The following NBPF12 variants were observed in gnomAD, a reference collection of about 807,000 sequenced individuals.
NBPF12 encodes NBPF family member NBPF12.
A neutral mutation model predicts 146.4 loss-of-function variants in NBPF12; 115 were observed. The ratio of observed to expected loss-of-function variants is 0.79; its 90% CI spans 0.68 to 0.92. The LOEUF (loss-of-function observed/expected upper bound fraction) is 0.92, where lower values mean the gene tolerates loss of function less well. NBPF12 is among the 40% of genes least tolerant of loss of function. NBPF12 has a pLI of 0.00. For missense variants in NBPF12, 1,205 were observed against 1,326.8 expected, an observed-to-expected ratio of 0.91 and a Z score of 1.43; for synonymous variants, 385 against 508.9, an observed-to-expected ratio of 0.76 and a Z score of 3.28.
At chr1:146,994,334 T>G (rs1328056699) in exon 34 of NBPF12, 6 of 1,611,604 alleles carry the variant, frequency 3.7e-6, no homozygotes, top group Non-Finnish European at 4.2e-6. Flanking sequence ...TTTTCCAGGC[T>G]CAACAGCGTG....
chr1:146,981,277 TAAAAAAAAAAAAA>T (rs878971787), intron 19 of NBPF12, among the ~76,000 whole-genome samples: 33 of 101,188 alleles, frequency 3.3e-4, no homozygotes, highest in East Asian at 1.1e-3. Flanking sequence ...CTTAAAGTAT[TAAAAAAAAAAAAA>T]AAAAATATAT....
At chr1:146,951,244 A>G in intron 1 of NBPF12, 104 bp from the exon 5 acceptor site, 1 of 673,814 alleles carries the variant, frequency 1.5e-6, no homozygotes, top group Non-Finnish European at 2.7e-6. Flanking sequence ...AGGGCACTCA[A>G]GTGAACAGGG....
Position 146,962,208 on chromosome 1 carries a change from C to T in NBPF12, c.223C>T (p.Arg75Ter), listed in dbSNP as rs1369510588. ...CATAAAATTTATGCTGAGGAATGAG[C>T]GACAGTTCAAGGAGGAGAAGCTTGC... is the stretch of plus-strand genomic sequence containing the variant. Residue 75 changes from arginine to a stop codon, truncating the protein, a stop_gained, in exon 5 of 34, where the codon CGA (arginine) becomes TGA (stop). Coordinates refer to ENST00000617844, the Ensembl canonical transcript of NBPF12. LOFTEE classifies it high-confidence loss of function. The T allele has an allele frequency of 3.9e-5, 63 of 1,608,278 alleles. No homozygotes were observed. Among genetic ancestry groups the T allele is most frequent in the Admixed American group, 1.2e-4 (7 of 59,986 alleles).
intron 23 of NBPF12, among the ~76,000 whole-genome samples, chr1:146,986,074 A>C (rs1405920698): frequency 0.046 from 6,924 of 150,042 alleles, 797 homozygotes; most frequent in African/African-American, 0.16. Flanking sequence ...AGGGCACTAA[A>C]TCAGAGTGTC....
Position 146,972,749 on chromosome 1 carries a change from A to G in NBPF12, c.1592-2A>G, listed in dbSNP as rs1656738235. 3.8e-6 allele frequency: 5 copies of G among 1,318,024 alleles called. No individual in the cohort carries two copies. In the Admixed American group the frequency reaches 8.4e-5, roughly 22 times the overall value. 81.6% of individuals were successfully genotyped at this position (1,318,024 alleles called of 1,614,324 possible). ...TCATGTGTTTGCCTTTCTTCTCCCC[A>G]GTCCCTGGCCCCACCTCTTCTGCCA... On this transcript the variant is annotated splice_acceptor_variant, in intron 13 of 33. Transcript: ENST00000617844. LOFTEE classifies it high-confidence loss of function.
intron 21 of NBPF12, 148 bp from the exon 25 acceptor site, chr1:146,984,665 C>A (rs1225259493): frequency 4.4e-6 from 3 of 685,710 alleles, no homozygotes; most frequent in East Asian, 5.6e-5. Flanking sequence ...TAGTCTATCA[C>A]AACATAAAGG....
chr1:146,938,505 G>A (rs1654633741), upstream of NBPF12, among the ~76,000 whole-genome samples: 2 of 152,086 alleles, frequency 1.3e-5, no homozygotes, highest in African/African-American at 4.8e-5. Flanking sequence ...AGGCGGAGGG[G>A]AGAGAGGGAT....
intron 23 of NBPF12, 68 bp downstream of exon 26, chr1:146,985,824 G>T (rs1336075294): frequency 1.4e-6 from 1 of 699,052 alleles, no homozygotes; most frequent in Non-Finnish European, 2.4e-6. Context: ...CCAGGGAAAA[G>T]AAGAGTGTGT....
rs782714864 is a variant in NBPF12 at position 146,994,446 on chromosome 1, C to A, written c.4245C>A (p.Tyr1415Ter). The change falls in exon 34 of 34, where the codon TAC becomes TAA. Residue 1415 changes from tyrosine to a stop codon, truncating the protein, a stop_gained. Transcript: ENST00000617844. LOFTEE classifies it high-confidence loss of function. ...AACTACCTGACTCATTCCAGCACTA[C>A]AGAAGTGTGTTTTACTCATTTGAGG... The A allele has an allele frequency of 6.2e-7, 1 of 1,611,994 alleles. No homozygotes were observed. Among genetic ancestry groups the A allele is most frequent in the Non-Finnish European group, 8.5e-7 (1 of 1,179,770 alleles).
chr1:146,983,041 C>A (rs1657491223), exon 20 of NBPF12: 3 of 1,607,532 alleles, frequency 1.9e-6, no homozygotes, highest in African/African-American at 2.8e-5. Context: ...TACAGCAGCA[C>A]ATTTCACTCA....
In NBPF12 at chr1:146,971,365, A is replaced by G. The variant is rs1314190484; in HGVS notation, c.1562A>G (p.Glu521Gly). ...GTAGACAGAGAATCCTCTCATGATG[A>G]ATGTCAGGATGCTCTAAACATTCTC... Residue 521 changes from glutamate to glycine, a missense_variant, in exon 13 of 34, where the codon GAA (glutamate) becomes GGA (glycine). Coordinates refer to ENST00000617844, the Ensembl canonical transcript of NBPF12. 6 of 1,611,438 alleles carry G rather than the reference A, an allele frequency of 3.7e-6. 1 individual carries two copies. Among genetic ancestry groups the G allele is most frequent in the East Asian group, 4.5e-5 (2 of 44,822 alleles).
At position 146,994,616 on chromosome 1, in the gene NBPF12, G is replaced by T. The variant is rs202184675; in HGVS notation, c.*41G>T. ...CCGAGAGGTTTCATTCCTGCAGGCA[G>T]GACCTATAGGCACCTGAAGATTTGA... On this transcript the variant is annotated 3_prime_UTR_variant, in exon 34 of 34. Transcript: ENST00000617844. 7.9e-5 allele frequency: 125 copies of T among 1,588,966 alleles called. 4 individuals carry two copies. In the African/African-American group the frequency reaches 1.2e-3, roughly 15 times the overall value.
chr1:146,939,939 C>T (rs1397392514), intron 1 of NBPF12, among the ~76,000 whole-genome samples: 1 of 150,392 alleles, frequency 6.6e-6, no homozygotes, highest in Admixed American at 6.6e-5. Context: ...GCGGAGATAT[C>T]TTGTCACTGC....
exon 13 of NBPF12, chr1:146,971,335 T>C (rs1570861654): frequency 6.2e-7 from 1 of 1,612,098 alleles, no homozygotes; most frequent in South Asian, 1.1e-5. Flanking sequence ...AACTCATCTC[T>C]GGTTGTAGAC....
At chr1:146,960,342 A>T (rs1425013800) in intron 4 of NBPF12, 24 bp downstream of exon 7, 5 of 1,467,944 alleles carry the variant, frequency 3.4e-6, no homozygotes, top group Non-Finnish European at 4.7e-6. Flanking sequence ...GCTCACCATC[A>T]TGAAAGTGAT....
At chr1:146,971,277 A>T in exon 13 of NBPF12, 1 of 1,612,428 alleles carries the variant, frequency 6.2e-7, no homozygotes, top group Non-Finnish European at 8.5e-7. Context: ...TTGTGACTCC[A>T]ACCAGCCTCA....
exon 12 of NBPF12, chr1:146,970,711 T>C (rs1286451251): frequency 2.1e-5 from 29 of 1,367,382 alleles, no homozygotes; most frequent in Non-Finnish European, 2.7e-5. Context: ...TGGAATCATC[T>C]TCCCCCAGGT....
At chr1:146,949,167 TGCG>T (rs1655215598), upstream of NBPF12, 1 of 152,162 alleles carries the variant, frequency 6.6e-6, no homozygotes, top group Admixed American at 6.5e-5. Flanking sequence ...GTCCTCCGTA[TGCG>T]TTCAGCATAC....
At chr1:146,994,379 A>T (rs1559533622) in exon 34 of NBPF12, 2 of 1,612,208 alleles carry the variant, frequency 1.2e-6, no homozygotes, top group Non-Finnish European at 1.7e-6. Context: ...GTCTTGCAGG[A>T]CTCACTGGAT....
Sources: allele counts gnomAD v4.1 joint callset (sites outside exome capture counted in the v4.1 genomes callset), GRCh38; gene constraint gnomAD v4.1.1; transcripts MANE v1.5; gene names NCBI Gene and HGNC (gene_info 2026-07-23, HGNC 2026-07-21).